Variants in TPO observed in about 807,000 individuals in gnomAD.
TPO encodes thyroid microsomal antigen.
TPO carries 78 observed loss-of-function variants against 96.9 expected under a neutral mutation model. The ratio of observed to expected loss-of-function variants is 0.81; its 90% CI spans 0.67 to 0.97. The LOEUF (loss-of-function observed/expected upper bound fraction) is 0.97, where lower values mean the gene tolerates loss of function less well. Among genes scored for constraint, TPO ranks in the 50% least tolerant of loss-of-function variants. The pLI is 0.00. For missense variants in TPO, 1,252 were observed against 1,274.8 expected (o/e 0.98, Z 0.27); for synonymous variants, 547 against 538.0 (o/e 1.02, Z -0.23).
chr2:1,393,441 A>G (rs2148361890), intron 1 of TPO, among the ~76,000 whole-genome samples: 1 of 152,322 alleles, frequency 6.6e-6, no homozygotes, highest in East Asian at 1.9e-4. Flanking sequence ...CAGAGTTAAG[A>G]TCAGGTCCAC....
rs1224246886 is a variant in TPO, at chr2:1,543,311, G to C, written c.*837G>C. On this transcript the variant is annotated 3_prime_UTR_variant, in exon 17 of 17. Coordinates refer to ENST00000329066, the MANE Select transcript of TPO (RefSeq NM_001206744.2). The stretch of plus-strand genomic sequence containing the variant: ...CAGCCTCACGCAAGGCAATAGTTAG[G>C]AGTCCTTCGGCATTGAAAGCAAACT... 3.3e-5 allele frequency: 5 copies of C among 152,298 alleles called. No homozygotes were observed. Among genetic ancestry groups the C allele is most frequent in the African/African-American group, 7.2e-5 (3 of 41,542 alleles). 9.4% of individuals were successfully genotyped at this position (152,298 alleles called of 1,614,324 possible).
intron 15 of TPO, among the ~76,000 whole-genome samples, chr2:1,532,111 TCC>T (rs1174148066): frequency 3.0e-5 from 1 of 33,800 alleles, no homozygotes; most frequent in Non-Finnish European, 5.2e-5. Flanking sequence ...CCCCCACAAA[TCC>T]CCCCACTGTG....
chr2:1,497,543 A>G (rs1672480663), intron 13 of TPO, among the ~76,000 whole-genome samples: 2 of 152,072 alleles, frequency 1.3e-5, no homozygotes, highest in South Asian at 4.2e-4. Context: ...TCCTCCAACT[A>G]CTTCAGAACT....
chr2:1,493,857 C>T lies in TPO; in HGVS notation c.1824C>T (p.Asp608=). The change falls in exon 11 of 17, where the codon GAC becomes GAT. Residue 608 remains aspartate (D), a synonymous_variant. Coordinates refer to ENST00000329066, the MANE Select transcript of TPO (RefSeq NM_001206744.2). ...TGCCTCGCCTGGAGACCCCCGCTGACCTGAGCACAGCCATCGCCAGCAGGA... is the reference window on the plus strand; with the variant it reads ...TGCCTCGCCTGGAGACCCCCGCTGATCTGAGCACAGCCATCGCCAGCAGGA... The part of the protein sequence containing the change: ...CGLPRLETPA[D]LSTAIASRSV... 6.2e-7 allele frequency: 1 copy of T among 1,614,200 alleles called. No homozygotes were observed. The highest frequency in any genetic ancestry group is 8.5e-7 in the Non-Finnish European group (1 of 1,180,032).
At chr2:1,539,528 A>C (rs181082842) in intron 15 of TPO, among the ~76,000 whole-genome samples, 46 of 152,186 alleles carry the variant, frequency 3.0e-4, no homozygotes, top group Non-Finnish European at 5.4e-4. Flanking sequence ...CACTGACAGG[A>C]GGGCTGTCTT....
chr2:1,534,539 CTCCCCAAATCCCTACCACTCTGTGCAACT>C, intron 15 of TPO, among the ~76,000 whole-genome samples: 2 of 122,812 alleles, frequency 1.6e-5, no homozygotes, highest in African/African-American at 6.0e-5. Context: ...TCTGTGCAAC[CTCCCCAAATCCCTACCACTCTGTGCAACT>C]TCCCCAAATC....
Position 1,496,099 on chromosome 2 carries a change from T to C in TPO, c.2117T>C (p.Met706Thr), listed in dbSNP as rs550778466. The stretch of plus-strand genomic sequence containing the variant: ...AACACTGGCCTCACCAGGGTGCCCA[T>C]GGATGCCTTCCAAGTCGGCAAATTC... ...CDNTGLTRVP[M>T]DAFQVGKFPE... Residue 706 changes from methionine to threonine, a missense_variant, in exon 12 of 17, where the codon ATG becomes ACG. Physicochemically the swap from Met to Thr is moderately conservative, Grantham distance 81. Coordinates refer to ENST00000329066, the MANE Select transcript of TPO (RefSeq NM_001206744.2). The C allele has an allele frequency of 2.4e-5, 38 of 1,614,110 alleles. No homozygotes were observed. The Middle Eastern group carries it at 8.3e-4, about 35-fold the overall frequency.
chr2:1,380,852 G>A (rs1216667091), intron 1 of TPO, among the ~76,000 whole-genome samples: 1 of 152,214 alleles, frequency 6.6e-6, no homozygotes, highest in African/African-American at 2.4e-5. Context: ...AAGCATGGTG[G>A]CATCTGCTTC....
chr2:1,499,412 T>A (rs1259775034), intron 13 of TPO, among the ~76,000 whole-genome samples: 1 of 152,178 alleles, frequency 6.6e-6, no homozygotes, highest in East Asian at 1.9e-4. Context: ...AACAGCTGTC[T>A]GAAGTTAAGA....
intron 1 of TPO, among the ~76,000 whole-genome samples, chr2:1,378,971 G>A (rs753088559): frequency 3.3e-5 from 5 of 152,152 alleles, no homozygotes; most frequent in Non-Finnish European, 5.9e-5. Flanking sequence ...CCAGCACTTG[G>A]CATTGACTTT....
chr2:1,437,009 T>C (rs1665642903), intron 5 of TPO, among the ~76,000 whole-genome samples: 1 of 152,182 alleles, frequency 6.6e-6, no homozygotes, highest in Non-Finnish European at 1.5e-5. Context: ...TGGTCCACAA[T>C]GGCAGGAGAT....
chr2:1,394,448 G>A (rs187505158), intron 1 of TPO, among the ~76,000 whole-genome samples: 7 of 152,326 alleles, frequency 4.6e-5, no homozygotes, highest in Non-Finnish European at 2.9e-5. Context: ...CACAGGATGG[G>A]GAAGGCTGGA....
At chr2:1,489,369 C>T (rs1369562276) in intron 10 of TPO, among the ~76,000 whole-genome samples, 1 of 152,220 alleles carries the variant, frequency 6.6e-6, no homozygotes, top group East Asian at 1.9e-4. Context: ...TGGCCCTGCT[C>T]AGGCCCCACA....
At chr2:1,537,943 CGAAATCCCCCGTAGTGTGTGCAACCTTCT>C (rs1402282983) in intron 15 of TPO, among the ~76,000 whole-genome samples, 3 of 126,586 alleles carry the variant, frequency 2.4e-5, no homozygotes, top group African/African-American at 9.0e-5. Context: ...TGCAACCTCC[CGAAATCCCCCGTAGTGTGTGCAACCTTCT>C]CAAATCCCCC....
intron 5 of TPO, among the ~76,000 whole-genome samples, chr2:1,436,744 A>G (rs1665614968): frequency 6.6e-6 from 1 of 152,144 alleles, no homozygotes; most frequent in Non-Finnish European, 1.5e-5. Context: ...TGCACCCCCA[A>G]GACTGTCACT....
At position 1,542,703 on chromosome 2, in the gene TPO, G is replaced by T; in HGVS notation, c.*229G>T. On this transcript the variant is annotated 3_prime_UTR_variant, in exon 17 of 17. Coordinates refer to ENST00000329066, the MANE Select transcript of TPO (RefSeq NM_001206744.2). ...CCTGATTTGTTCCTTCTGGGGCTTT[G>T]CCATTAAAATGTATTTACAGATTAC... 1.5e-6 allele frequency: 2 copies of T among 1,324,524 alleles called. No homozygotes were observed. The highest frequency in any genetic ancestry group is 2.9e-5 in the South Asian group (2 of 69,212). 82.0% of individuals were successfully genotyped at this position (1,324,524 alleles called of 1,614,324 possible). A position where few individuals can be genotyped will look rare whatever the true frequency, so the allele number is the denominator to read the frequency against.
chr2:1,381,834 C>T (rs1482963912), intron 1 of TPO, among the ~76,000 whole-genome samples: 2 of 152,170 alleles, frequency 1.3e-5, no homozygotes, highest in Non-Finnish European at 2.9e-5. Flanking sequence ...TGGAACTGAG[C>T]TCCATGACTC....
intron 3 of TPO, among the ~76,000 whole-genome samples, chr2:1,424,761 G>C (rs1314710647): frequency 6.6e-6 from 1 of 152,202 alleles, no homozygotes; most frequent in African/African-American, 2.4e-5. Context: ...GGGATACAGA[G>C]ATGAGTTCGA....
chr2:1,540,761 G>A lies in TPO; in HGVS notation c.2748+38G>A, dbSNP rs369392463. On this transcript the variant is annotated intron_variant, in intron 16 of 16. Transcript: ENST00000329066. The stretch of plus-strand genomic sequence containing the variant: ...ATGCCGCATGTTTCCAGCTGCCACC[G>A]CAGTGGTTGGACAGGATCTGGGTGT... 6.6e-4 allele frequency: 1,058 copies of A among 1,613,052 alleles called. 1 individual carries two copies. The highest frequency in any genetic ancestry group is 8.5e-4 in the Non-Finnish European group (998 of 1,179,996).
Sources: allele counts gnomAD v4.1 joint callset (sites outside exome capture counted in the v4.1 genomes callset), GRCh38; gene constraint gnomAD v4.1.1; transcripts MANE v1.5; gene names NCBI Gene and HGNC (gene_info 2026-07-23, HGNC 2026-07-21).